TENM2: variants seen among roughly 807,000 people sequenced by gnomAD.
The protein encoded by TENM2 is teneurin-2.
TENM2 carries 52 observed loss-of-function variants against 245.2 expected under a neutral mutation model. The observed-to-expected ratio is 0.21, with a 90% confidence interval of 0.17 to 0.27. The LOEUF is 0.27. TENM2 is among the 10% of genes least tolerant of loss of function. TENM2 has a pLI of 1.00. For missense variants in TENM2, 3,046 were observed against 3,666.8 expected, an observed-to-expected ratio of 0.83 and a Z score of 4.37; for synonymous variants, 1,363 against 1,438.9, an observed-to-expected ratio of 0.95 and a Z score of 1.19.
intron 25 of TENM2, among the ~76,000 whole-genome samples, chr5:168,238,416 TCG>T (rs1765804378): frequency 6.6e-6 from 1 of 152,130 alleles, no homozygotes; most frequent in Non-Finnish European, 1.5e-5. Context: ...CTTTTAAACG[TCG>T]CCAGACAGGG....
intron 2 of TENM2, among the ~76,000 whole-genome samples, chr5:167,608,468 C>T (rs891267315): frequency 2.2e-4 from 34 of 152,178 alleles, no homozygotes; most frequent in Admixed American, 2.6e-4. Context: ...CCTTGGTTGG[C>T]GCAAAGATGA....
intron 2 of TENM2, among the ~76,000 whole-genome samples, chr5:167,379,753 G>T (rs552330330): frequency 6.6e-6 from 1 of 152,046 alleles, no homozygotes; most frequent in East Asian, 1.9e-4. Context: ...GAAGTGAAAA[G>T]TCAGTGGTAA....
the TENM2 span, among the ~76,000 whole-genome samples, chr5:167,118,708 C>T: frequency 6.6e-6 from 1 of 152,094 alleles, no homozygotes; most frequent in African/African-American, 2.4e-5. Context: ...TCATGAGTAT[C>T]AATGCTGCTT....
chr5:167,823,616 TC>T (rs1297380116), intron 2 of TENM2, among the ~76,000 whole-genome samples: 1 of 152,154 alleles, frequency 6.6e-6, no homozygotes, highest in Non-Finnish European at 1.5e-5. Context: ...ATGTGCTGCT[TC>T]CTTGGGTACC....
exon 13 of TENM2, chr5:168,162,652 C>T (rs1458146339): frequency 3.1e-6 from 5 of 1,614,014 alleles, no homozygotes; most frequent in Non-Finnish European, 4.2e-6. Context: ...GAGATGCACA[C>T]TGGGTCAGAA....
intron 2 of TENM2, among the ~76,000 whole-genome samples, chr5:167,502,608 T>C (rs181806967): frequency 2.0e-5 from 3 of 152,326 alleles, no homozygotes; most frequent in Admixed American, 2.0e-4. Flanking sequence ...TTACTTATAA[T>C]AGGACACTAC....
intron 1 of TENM2, among the ~76,000 whole-genome samples, chr5:167,349,382 G>T (rs765722387): frequency 5.3e-5 from 8 of 152,186 alleles, no homozygotes; most frequent in African/African-American, 1.9e-4. Flanking sequence ...AGGTCCCAGA[G>T]CTAAGAAGCT....
intron 2 of TENM2, among the ~76,000 whole-genome samples, chr5:167,420,601 T>C (rs965877448): frequency 6.6e-6 from 1 of 152,208 alleles, no homozygotes; most frequent in African/African-American, 2.4e-5. Context: ...CTGCCTCAGG[T>C]ATCTTCATGT....
intron 2 of TENM2, among the ~76,000 whole-genome samples, chr5:167,433,450 T>G (rs1764365328): frequency 6.6e-6 from 1 of 152,164 alleles, no homozygotes; most frequent in African/African-American, 2.4e-5. Flanking sequence ...ATGTAGATTC[T>G]TTCTGTTTAT....
chr5:167,610,052 A>G (rs1322880751), intron 2 of TENM2, among the ~76,000 whole-genome samples: 1 of 152,094 alleles, frequency 6.6e-6, no homozygotes, highest in African/African-American at 2.4e-5. Context: ...CCCCTCTCTT[A>G]AATTCAATTA....
At chr5:168,262,565 C>T (rs746594911) in exon 29 of TENM2, 9 of 1,562,402 alleles carry the variant, frequency 5.8e-6, no homozygotes, top group Non-Finnish European at 4.3e-6. Flanking sequence ...AGAGAAGGCC[C>T]GCGTCCTGGA....
chr5:167,152,816 C>G, the TENM2 span, among the ~76,000 whole-genome samples: 3 of 152,132 alleles, frequency 2.0e-5, no homozygotes, highest in Non-Finnish European at 4.4e-5. Context: ...GAGATTCTAT[C>G]AGAATACTCA....
At chr5:167,755,468 A>AT (rs1762250632) in intron 2 of TENM2, among the ~76,000 whole-genome samples, 1 of 151,408 alleles carries the variant, frequency 6.6e-6, no homozygotes, top group Non-Finnish European at 1.5e-5. Flanking sequence ...GAAAAAAAAA[A>AT]TATGTGAAAA....
chr5:167,995,891 G>T (rs1581001973), intron 5 of TENM2, among the ~76,000 whole-genome samples: 1 of 152,110 alleles, frequency 6.6e-6, no homozygotes, highest in Non-Finnish European at 1.5e-5. Context: ...ATCAGGGAAG[G>T]GCAGAAAGAC....
chr5:168,094,801 A>G (rs560139962), intron 8 of TENM2, among the ~76,000 whole-genome samples: 1 of 152,104 alleles, frequency 6.6e-6, no homozygotes, highest in East Asian at 1.9e-4. Context: ...GCAAGAGATG[A>G]GCAGTAGGTG....
intron 2 of TENM2, among the ~76,000 whole-genome samples, chr5:167,744,866 G>A (rs944746831): frequency 6.6e-6 from 1 of 152,184 alleles, no homozygotes; most frequent in Non-Finnish European, 1.5e-5. Flanking sequence ...GATGGGTTTA[G>A]TATCCTCCTA....
chr5:167,473,116 C>T (rs1305838939), intron 2 of TENM2, among the ~76,000 whole-genome samples: 1 of 152,090 alleles, frequency 6.6e-6, no homozygotes, highest in Admixed American at 6.5e-5. Flanking sequence ...CTGTGTAGTG[C>T]TTTTTTCCAC....
chr5:167,995,744 T>C (rs925431285), intron 5 of TENM2, among the ~76,000 whole-genome samples: 1 of 152,222 alleles, frequency 6.6e-6, no homozygotes, highest in African/African-American at 2.4e-5. Context: ...GATTAATTAA[T>C]GTGTATAAAT....
chr5:166,985,984 T>C, the TENM2 span, among the ~76,000 whole-genome samples: 1 of 152,178 alleles, frequency 6.6e-6, no homozygotes, highest in African/African-American at 2.4e-5. Context: ...ATGATTTAGA[T>C]GTTCAAAGGT....
Sources: allele counts gnomAD v4.1 joint callset (sites outside exome capture counted in the v4.1 genomes callset), GRCh38; gene constraint gnomAD v4.1.1; transcripts MANE v1.5; gene names NCBI Gene and HGNC (gene_info 2026-07-23, HGNC 2026-07-21).